Variants in N4BP2 observed in about 807,000 individuals in gnomAD.
The protein encoded by N4BP2 is NEDD4 binding protein 2.
A neutral mutation model predicts 152.8 loss-of-function variants in N4BP2; 91 were observed. The ratio of observed to expected loss-of-function variants is 0.60; its 90% CI spans 0.50 to 0.71. The LOEUF is 0.71. Ranked by LOEUF, N4BP2 falls within the 30% of genes least tolerant of loss-of-function variation. N4BP2 has a pLI of 0.00. For synonymous variants in N4BP2, 646 were observed against 705.3 expected (o/e 0.92, Z 1.33); for missense variants, 1,923 against 2,059.1 (o/e 0.93, Z 1.28).
intron 1 of N4BP2, among the ~76,000 whole-genome samples, chr4:40,060,999 G>A (rs769665179): frequency 2.0e-5 from 3 of 151,724 alleles, no homozygotes; most frequent in South Asian, 2.1e-4. Context: ...AATTTAAATT[G>A]AGACGGGGTG....
At chr4:40,083,635 C>G (rs1274263653) in intron 2 of N4BP2, among the ~76,000 whole-genome samples, 1 of 152,040 alleles carries the variant, frequency 6.6e-6, no homozygotes, top group Non-Finnish European at 1.5e-5. Context: ...ATAGGTAAAC[C>G]TATAGAGACA....
At chr4:40,132,910 G>T (rs28409253) in intron 13 of N4BP2, among the ~76,000 whole-genome samples, 2,466 of 143,870 alleles carry the variant, frequency 0.017, 68 homozygotes, top group African/African-American at 0.062. Flanking sequence ...TAATGAAATG[G>T]TGTTGGTCTG....
intron 2 of N4BP2, among the ~76,000 whole-genome samples, chr4:40,083,737 T>C (rs1560578712): frequency 6.6e-6 from 1 of 152,116 alleles, no homozygotes; most frequent in Non-Finnish European, 1.5e-5. Flanking sequence ...TTAATAGAAA[T>C]GTTCTGGAAT....
At chr4:40,101,997 C>A (rs1715698818) in intron 3 of N4BP2, 78 bp from the exon 4 acceptor site, 1 of 876,422 alleles carries the variant, frequency 1.1e-6, no homozygotes, top group Non-Finnish European at 1.7e-6. Context: ...ATAATTTTAG[C>A]TGGATTTTAA....
At chr4:40,180,453 C>T in the N4BP2 span, among the ~76,000 whole-genome samples, 1 of 152,122 alleles carries the variant, frequency 6.6e-6, no homozygotes, top group African/African-American at 2.4e-5. Context: ...CACTCTCATA[C>T]ATCACTGGTG....
At chr4:40,064,839 G>A (rs150212042) in intron 1 of N4BP2, among the ~76,000 whole-genome samples, 3,150 of 151,364 alleles carry the variant, frequency 0.021, 111 homozygotes, top group African/African-American at 0.071. Flanking sequence ...GTGTGATCTC[G>A]GCTCACTGCA....
chr4:40,185,604 T>C, the N4BP2 span, among the ~76,000 whole-genome samples: 1 of 152,098 alleles, frequency 6.6e-6, no homozygotes, highest in Non-Finnish European at 1.5e-5. Context: ...CTTAAACTTA[T>C]TATTTGGAAA....
intron 5 of N4BP2, among the ~76,000 whole-genome samples, chr4:40,111,433 G>C (rs1375923035): frequency 1.3e-5 from 2 of 151,828 alleles, no homozygotes; most frequent in Non-Finnish European, 2.9e-5. Flanking sequence ...TGATTCTGCT[G>C]TCTCAGCCTC....
intron 16 of N4BP2, among the ~76,000 whole-genome samples, chr4:40,146,260 G>A (rs980161240): frequency 6.6e-6 from 1 of 152,024 alleles, no homozygotes; most frequent in Non-Finnish European, 1.5e-5. Flanking sequence ...AATATCTCTT[G>A]CTTACCTCTC....
intron 16 of N4BP2, among the ~76,000 whole-genome samples, chr4:40,149,902 G>GAAAAAAAAAAAAAAAAA (rs534686637): frequency 1.0e-5 from 1 of 95,294 alleles, no homozygotes. Flanking sequence ...ATCTCAAAAA[G>GAAAAAAAAAAAAAAAAA]AAAAAAAAAA....
chr4:40,162,773 T>C (rs1248386897), downstream of N4BP2, among the ~76,000 whole-genome samples: 3 of 152,138 alleles, frequency 2.0e-5, no homozygotes, highest in Admixed American at 2.0e-4. Flanking sequence ...ATCAGGAGAA[T>C]TGGCTCCTGT....
At chr4:40,072,001 G>A (rs573131595) in intron 1 of N4BP2, among the ~76,000 whole-genome samples, 20 of 151,986 alleles carry the variant, frequency 1.3e-4, no homozygotes, top group African/African-American at 3.6e-4. Context: ...TCTGCCTCCC[G>A]GGTTCAAGCG....
intron 2 of N4BP2, among the ~76,000 whole-genome samples, chr4:40,087,232 C>T (rs1714062415): frequency 6.6e-6 from 1 of 151,824 alleles, no homozygotes; most frequent in Non-Finnish European, 1.5e-5. Flanking sequence ...CTTTCTTCCT[C>T]TTATGTTTCT....
At position 40,121,917 on chromosome 4, in the gene N4BP2, T is replaced by C. The variant is rs1165256513; in HGVS notation, c.3806T>C (p.Leu1269Pro). 6.3e-7 allele frequency: 1 copy of C among 1,593,598 alleles called. No homozygotes were observed. The change falls in exon 9 of 18, where the codon CTA (leucine) becomes CCA (proline). Residue 1269 changes from leucine to proline, a missense_variant. Physicochemically the swap from Leu to Pro is moderately conservative, Grantham distance 98 (BLOSUM62 -3). Transcript: ENST00000261435. The part of the protein sequence containing the change: ...PKDMSETEKN[L>P]VVTETGDNIH... ...GATATGAGTGAAACAGAAAAAAACCTAGTAGTCACAGAGACTGGAGACAAC... is the reference window on the plus strand; with the variant it reads ...GATATGAGTGAAACAGAAAAAAACCCAGTAGTCACAGAGACTGGAGACAAC...
Position 40,157,274 on chromosome 4 carries a change from T to C in N4BP2, c.*3037T>C, listed in dbSNP as rs1012453360. ...TATTTTTAATGTGCAGTTTCTTCAA[T>C]TGGTTAGTATTTCCATACTATTTGC... On this transcript the variant is annotated 3_prime_UTR_variant, in exon 18 of 18. Transcript: ENST00000261435. The C allele has an allele frequency of 1.3e-5, 2 of 152,122 alleles. No individual in the cohort carries two copies. Among genetic ancestry groups the C allele is most frequent in the East Asian group, 3.8e-4 (2 of 5,206 alleles). 9.4% of individuals were successfully genotyped at this position (152,122 alleles called of 1,614,324 possible).
At chr4:40,147,658 C>CG (rs1185717487) in intron 16 of N4BP2, among the ~76,000 whole-genome samples, 9 of 151,014 alleles carry the variant, frequency 6.0e-5, no homozygotes, top group Non-Finnish European at 1.2e-4. Flanking sequence ...CCCTCCCAGA[C>CG]GGGGCGGCTG....
chr4:40,143,518 C>T (rs948610180), intron 15 of N4BP2, among the ~76,000 whole-genome samples: 8 of 152,076 alleles, frequency 5.3e-5, no homozygotes, highest in African/African-American at 1.7e-4. Flanking sequence ...CCAGGCTGGT[C>T]GTGAACTCCT....
chr4:40,141,905 G>A (rs1317070318), intron 14 of N4BP2, among the ~76,000 whole-genome samples: 2 of 152,224 alleles, frequency 1.3e-5, no homozygotes, highest in African/African-American at 4.8e-5. Flanking sequence ...GGCCAACACA[G>A]CGAAACCCCG....
At chr4:40,175,339 A>G in the N4BP2 span, among the ~76,000 whole-genome samples, 4 of 65,028 alleles carry the variant, frequency 6.2e-5, no homozygotes, top group East Asian at 7.7e-3. Flanking sequence ...TGAAATATAG[A>G]AAAAAAAAAA....
Sources: allele counts gnomAD v4.1 joint callset (sites outside exome capture counted in the v4.1 genomes callset), GRCh38; gene constraint gnomAD v4.1.1; transcripts MANE v1.5; gene names NCBI Gene and HGNC (gene_info 2026-07-23, HGNC 2026-07-21).